Variants in C2CD3 observed in about 807,000 individuals in gnomAD.
The protein encoded by C2CD3 is C2 domain containing 3 centriole elongation regulator.
Under a neutral mutation model 234.0 loss-of-function variants are expected in C2CD3, and 148 were observed. The observed-to-expected ratio is 0.63, with a 90% CI of 0.55 to 0.72. The LOEUF is 0.72. Among genes scored for constraint, C2CD3 ranks in the 30% least tolerant of loss-of-function variants. The pLI is 0.00. For synonymous variants in C2CD3, 1,000 were observed against 1,035.4 expected, an observed-to-expected ratio of 0.97 and a Z score of 0.66; for missense variants, 2,577 against 2,811.5, an observed-to-expected ratio of 0.92 and a Z score of 1.89.
Position 74,074,371 on chromosome 11 carries a change from C to G in C2CD3, c.4833G>C (p.Gln1611His). The G allele has an allele frequency of 6.2e-7, 1 of 1,614,172 alleles. No individual in the cohort carries two copies. The highest frequency in any genetic ancestry group is 1.6e-4 in the Middle Eastern group (1 of 6,062). The change falls in exon 24 of 33, where the codon CAG becomes CAC. Residue 1611 changes from glutamine to histidine, a missense_variant. Gln to His is a conservative substitution (Grantham distance 24). Coordinates refer to ENST00000334126, the MANE Select transcript of C2CD3 (RefSeq NM_001286577.2). ...SCHQKSPAST[Q>H]VPCSSTTAEV... ...CAGCTGTGGTGCTGCTGCAGGGGACCTGGGTGGAGGCAGGAGACTTCTGGT... is the reference window on the plus strand; with the variant it reads ...CAGCTGTGGTGCTGCTGCAGGGGACGTGGGTGGAGGCAGGAGACTTCTGGT...
chr11:74,131,813 C>A (rs1957689595), intron 7 of C2CD3, among the ~76,000 whole-genome samples: 1 of 152,124 alleles, frequency 6.6e-6, no homozygotes, highest in Non-Finnish European at 1.5e-5. Flanking sequence ...CTCTGGTGAT[C>A]CGCCCACCTT....
At chr11:74,108,330 T>C (rs1956610806) in intron 12 of C2CD3, among the ~76,000 whole-genome samples, 1 of 152,084 alleles carries the variant, frequency 6.6e-6, no homozygotes, top group Admixed American at 6.5e-5. Context: ...ATATGTCTTC[T>C]GAAAAAAATA....
At chr11:74,143,702 C>T (rs995881190) in intron 3 of C2CD3, among the ~76,000 whole-genome samples, 3 of 151,472 alleles carry the variant, frequency 2.0e-5, no homozygotes, top group African/African-American at 7.3e-5. Context: ...ACTAAAATTG[C>T]GTTGAAAAAT....
At chr11:74,150,511 A>C (rs1223339761) in intron 3 of C2CD3, among the ~76,000 whole-genome samples, 3 of 74,824 alleles carry the variant, frequency 4.0e-5, no homozygotes, top group Non-Finnish European at 7.4e-5. Flanking sequence ...AAAAAAAAAA[A>C]AAAACAAAAA....
At chr11:74,149,651 G>C (rs1855464671) in intron 3 of C2CD3, among the ~76,000 whole-genome samples, 1 of 147,704 alleles carries the variant, frequency 6.8e-6, no homozygotes, top group African/African-American at 2.5e-5. Context: ...ACTCCAATTT[G>C]GAATAGCTGC....
At position 74,092,588 on chromosome 11, in the gene C2CD3, T is replaced by C. The variant is rs141518273; in HGVS notation, c.3345A>G (p.Arg1115=). The stretch of plus-strand genomic sequence containing the variant: ...GGTCTCTCACATTAGGATAATAGTA[T>C]CTGTAAACCACAAAAGCACACGTTG... ...GGGVQFEIWC[R]YYYPNVRDQK... is the part of the protein sequence containing the mutation. Residue 1115 remains arginine, a splice_region_variant and synonymous_variant, in exon 19 of 33, where the codon AGA becomes AGG. Coordinates refer to ENST00000334126, the MANE Select transcript of C2CD3 (RefSeq NM_001286577.2). The C allele has an allele frequency of 8.7e-5, 140 of 1,608,704 alleles. No individual in the cohort carries two copies. The highest frequency in any genetic ancestry group is 1.2e-4 in the Admixed American group (7 of 58,956).
intron 14 of C2CD3, 97 bp downstream of exon 14, chr11:74,103,034 G>T: frequency 8.0e-7 from 1 of 1,257,446 alleles, no homozygotes; most frequent in Non-Finnish European, 1.1e-6. Flanking sequence ...GTTCCTTCTA[G>T]TCTGAACATT....
chr11:74,029,913 G>T (rs550439365), intron 31 of C2CD3, among the ~76,000 whole-genome samples: 1 of 152,180 alleles, frequency 6.6e-6, no homozygotes, highest in African/African-American at 2.4e-5. Context: ...ATGCCACCAT[G>T]CCTGGCTAAT....
intron 15 of C2CD3, among the ~76,000 whole-genome samples, 155 bp downstream of exon 15, chr11:74,100,370 T>C (rs1956267116): frequency 1.3e-5 from 2 of 152,206 alleles, no homozygotes; most frequent in Non-Finnish European, 2.9e-5. Context: ...AAGACTGCTT[T>C]AGAATAGGAG....
chr11:74,056,476 C>T (rs987497486), intron 25 of C2CD3, among the ~76,000 whole-genome samples: 1 of 152,152 alleles, frequency 6.6e-6, no homozygotes, highest in Non-Finnish European at 1.5e-5. Flanking sequence ...TTGTTGTATA[C>T]CTGCTATATG....
chr11:74,108,551 T>C (rs1002524173), intron 12 of C2CD3, among the ~76,000 whole-genome samples: 1 of 152,230 alleles, frequency 6.6e-6, no homozygotes, highest in African/African-American at 2.4e-5. Context: ...ACCTTATGTA[T>C]TCTGCCTGCA....
At chr11:74,132,342 C>T (rs1438813670) in intron 7 of C2CD3, among the ~76,000 whole-genome samples, 1 of 152,078 alleles carries the variant, frequency 6.6e-6, no homozygotes, top group Non-Finnish European at 1.5e-5. Context: ...CAGAGTGAGA[C>T]TCCGTCTCAA....
At chr11:74,060,943 A>T (rs967409078) in intron 24 of C2CD3, among the ~76,000 whole-genome samples, 3 of 152,240 alleles carry the variant, frequency 2.0e-5, no homozygotes, top group African/African-American at 7.2e-5. Flanking sequence ...GACCTGATGG[A>T]GCTGAAAACC....
At chr11:74,041,548 T>C (rs1320420624) in intron 29 of C2CD3, among the ~76,000 whole-genome samples, 1 of 152,158 alleles carries the variant, frequency 6.6e-6, no homozygotes, top group African/African-American at 2.4e-5. Flanking sequence ...AGAGCAAGGA[T>C]TGGAGGTCAA....
At chr11:74,161,060 A>C (rs947133665) in intron 3 of C2CD3, among the ~76,000 whole-genome samples, 1 of 152,214 alleles carries the variant, frequency 6.6e-6, no homozygotes, top group Admixed American at 6.5e-5. Flanking sequence ...AGAGGAATTA[A>C]AGAGAGCCTA....
At chr11:74,130,577 C>T (rs2135534193) in intron 7 of C2CD3, among the ~76,000 whole-genome samples, 1 of 152,178 alleles carries the variant, frequency 6.6e-6, no homozygotes, top group East Asian at 1.9e-4. Flanking sequence ...TGTTCCAGCA[C>T]CATTTGTTGA....
chr11:74,031,873 C>A (rs897468441), intron 31 of C2CD3, among the ~76,000 whole-genome samples: 20 of 152,214 alleles, frequency 1.3e-4, no homozygotes, highest in Admixed American at 1.3e-3. Context: ...GGGAGAACTG[C>A]ACACAAGGAG....
chr11:74,034,066 T>G lies in C2CD3; in HGVS notation c.6094A>C (p.Arg2032=), dbSNP rs552242640. Residue 2032 remains arginine (R), a synonymous_variant, in exon 31 of 33, where the codon AGA becomes CGA. Transcript: ENST00000334126. ...TGCCTCAGGGACTCATGGAGCATTC[T>G]TCCTCCATTTGAAGTCTCTTCGAGA... is the stretch of plus-strand genomic sequence containing the variant. The part of the protein sequence containing the change: ...PPLEETSNGG[R]MLHESLRHAV... 136 of 1,536,226 alleles carry G rather than the reference T, an allele frequency of 8.9e-5. No homozygotes were observed. The African/African-American group carries it at 1.1e-3, about 12-fold the overall frequency.
intron 20 of C2CD3, among the ~76,000 whole-genome samples, chr11:74,086,587 T>C (rs1955651893): frequency 6.6e-6 from 1 of 152,242 alleles, no homozygotes; most frequent in Non-Finnish European, 1.5e-5. Flanking sequence ...AGATTACTTA[T>C]GGTCAACAAG....
Sources: allele counts gnomAD v4.1 joint callset (sites outside exome capture counted in the v4.1 genomes callset), GRCh38; gene constraint gnomAD v4.1.1; transcripts MANE v1.5; gene names NCBI Gene and HGNC (gene_info 2026-07-23, HGNC 2026-07-21).